The following FSTL5 variants were observed in gnomAD, a reference collection of about 807,000 sequenced individuals.
The protein encoded by FSTL5 is follistatin like 5, also known as follistatin-related protein 5.
FSTL5 carries 62 observed loss-of-function variants against 89.1 expected under a neutral mutation model. That is an observed-to-expected ratio of 0.70 (90% CI 0.57 to 0.86). The LOEUF (loss-of-function observed/expected upper bound fraction) is 0.86. Ranked by LOEUF, FSTL5 falls within the 40% of genes least tolerant of loss-of-function variation. FSTL5 has a pLI of 0.00. For synonymous variants in FSTL5, 383 were observed against 346.2 expected (o/e 1.11, Z -1.18); for missense variants, 1,057 against 1,001.6 (o/e 1.06, Z -0.75).
intron 13 of FSTL5, among the ~76,000 whole-genome samples, chr4:161,472,520 G>T (rs1733983489): frequency 6.6e-6 from 1 of 151,670 alleles, no homozygotes; most frequent in African/African-American, 2.4e-5. Context: ...CTTCAGCACT[G>T]GTTTTGCCAT....
intron 15 of FSTL5, among the ~76,000 whole-genome samples, chr4:161,435,155 C>CAAGATTTGG (rs1732516550): frequency 6.6e-6 from 1 of 151,962 alleles, no homozygotes; most frequent in African/African-American, 2.4e-5. Context: ...TCACAATAAC[C>CAAGATTTGG]AAGATTTGGA....
At chr4:162,079,117 T>C (rs1322824600) in intron 2 of FSTL5, among the ~76,000 whole-genome samples, 1 of 151,764 alleles carries the variant, frequency 6.6e-6, no homozygotes, top group Non-Finnish European at 1.5e-5. Context: ...GTTGCAAATA[T>C]CAACTATTTG....
intron 3 of FSTL5, among the ~76,000 whole-genome samples, chr4:161,966,730 G>A (rs535420614): frequency 6.6e-6 from 1 of 151,994 alleles, no homozygotes; most frequent in Non-Finnish European, 1.5e-5. Context: ...CTGCTGACAC[G>A]TCCATCTTGG....
At chr4:161,882,494 ATC>A (rs1482133560) in intron 4 of FSTL5, among the ~76,000 whole-genome samples, 10 of 152,064 alleles carry the variant, frequency 6.6e-5, no homozygotes, top group African/African-American at 2.4e-4. Flanking sequence ...TTCTGTTCTT[ATC>A]TGTTTGTTAT....
rs537946978 is a variant in FSTL5 at position 161,903,052 on chromosome 4, A to C, written c.409+17352T>G. Among the ~76,000 whole-genome samples the C allele has an allele frequency of 2.0e-4, 30 of 152,302 alleles. 1 individual carries two copies. The South Asian group carries it at 5.8e-3, about 29-fold the overall frequency. On this transcript the variant is annotated intron_variant, in intron 4 of 15. Transcript: ENST00000306100. Reference sequence around the variant, plus strand: ...TCATACTAGAAACGGAGTTGAATGTAGACTATATTAAACATCTTTTCAAGA... The same window carrying C: ...TCATACTAGAAACGGAGTTGAATGTCGACTATATTAAACATCTTTTCAAGA...
chr4:161,802,541 T>C (rs1032301466), intron 4 of FSTL5, among the ~76,000 whole-genome samples: 3 of 151,732 alleles, frequency 2.0e-5, no homozygotes, highest in African/African-American at 7.2e-5. Flanking sequence ...TTCCTAAGTC[T>C]GTATATTTCA....
chr4:161,779,774 T>G (rs1434994514), intron 4 of FSTL5, among the ~76,000 whole-genome samples: 273 of 17,200 alleles, frequency 0.016, 21 homozygotes, highest in Middle Eastern at 0.036. Context: ...TATATATATA[T>G]GTATATATAT....
chr4:162,120,040 C>T (rs182543469), intron 1 of FSTL5, among the ~76,000 whole-genome samples: 32 of 151,664 alleles, frequency 2.1e-4, no homozygotes, highest in Middle Eastern at 3.4e-3. Flanking sequence ...TTAATTTTAC[C>T]CTTTCAAAAA....
At chr4:161,718,057 C>G (rs573118357) in intron 6 of FSTL5, among the ~76,000 whole-genome samples, 1 of 152,158 alleles carries the variant, frequency 6.6e-6, no homozygotes, top group African/African-American at 2.4e-5. Flanking sequence ...CTATAAAATT[C>G]AACTGGTATA....
intron 6 of FSTL5, among the ~76,000 whole-genome samples, chr4:161,686,322 ATATATATATATATATATATATATATTT>A (rs1302895030): frequency 1.1e-3 from 5 of 4,358 alleles, no homozygotes; most frequent in East Asian, 7.8e-3. Context: ...ATATATATAT[ATATATATATATATATATATATATATTT>A]TTTTTTTTTT....
chr4:161,837,950 C>T (rs577196796), intron 4 of FSTL5, among the ~76,000 whole-genome samples: 18 of 152,198 alleles, frequency 1.2e-4, no homozygotes, highest in East Asian at 3.9e-4. Flanking sequence ...AAGGAAATCA[C>T]GTAATGTTCA....
chr4:162,066,015 T>C (rs1444689691), intron 2 of FSTL5, among the ~76,000 whole-genome samples: 1 of 152,056 alleles, frequency 6.6e-6, no homozygotes, highest in Admixed American at 6.6e-5. Context: ...CAGCATATTA[T>C]TCTTGGATTC....
intron 4 of FSTL5, among the ~76,000 whole-genome samples, chr4:161,848,212 C>G (rs554447464): frequency 6.6e-6 from 1 of 151,884 alleles, no homozygotes; most frequent in Admixed American, 6.6e-5. Context: ...ACAAATAATC[C>G]ATAAAAGTGA....
intron 15 of FSTL5, among the ~76,000 whole-genome samples, chr4:161,449,856 G>T (rs1733098277): frequency 6.6e-6 from 1 of 151,938 alleles, no homozygotes; most frequent in Non-Finnish European, 1.5e-5. Flanking sequence ...CTGTTCCCTT[G>T]CAATCTAGGT....
chr4:161,395,559 T>C (rs1011187154), intron 15 of FSTL5, among the ~76,000 whole-genome samples: 1 of 152,086 alleles, frequency 6.6e-6, no homozygotes, highest in African/African-American at 2.4e-5. Context: ...ATTGGCTGAT[T>C]CTAAAATCTA....
intron 15 of FSTL5, among the ~76,000 whole-genome samples, chr4:161,407,033 T>C (rs187481852): frequency 7.2e-4 from 110 of 152,270 alleles, no homozygotes; most frequent in African/African-American, 2.6e-3. Context: ...AGTAAATTCC[T>C]GGAATTGGGG....
At chr4:162,048,701 G>T (rs1186573706) in intron 2 of FSTL5, among the ~76,000 whole-genome samples, 2 of 151,906 alleles carry the variant, frequency 1.3e-5, no homozygotes, top group South Asian at 2.1e-4. Context: ...GTAGAATAAA[G>T]TCATCAAGAA....
At chr4:161,529,712 G>T in intron 10 of FSTL5, among the ~76,000 whole-genome samples, 1 of 140,524 alleles carries the variant, frequency 7.1e-6, no homozygotes, top group Non-Finnish European at 1.6e-5. Flanking sequence ...GTTTTTATTT[G>T]GTTCTATTTG....
chr4:161,792,493 T>A (rs1046047406), intron 4 of FSTL5, among the ~76,000 whole-genome samples: 3 of 152,166 alleles, frequency 2.0e-5, no homozygotes, highest in Non-Finnish European at 2.9e-5. Flanking sequence ...GCCAGTCTCA[T>A]GGACCAGAAT....
Sources: allele counts gnomAD v4.1 joint callset (sites outside exome capture counted in the v4.1 genomes callset), GRCh38; gene constraint gnomAD v4.1.1; transcripts MANE v1.5; gene names NCBI Gene and HGNC (gene_info 2026-07-23, HGNC 2026-07-21).